The following CACNA1A variants were observed in gnomAD, a reference collection of about 807,000 sequenced individuals.
The protein encoded by CACNA1A is calcium voltage-gated channel subunit alpha1 A.
CACNA1A carries 57 observed loss-of-function variants against 262.4 expected under a neutral mutation model. The observed-to-expected ratio is 0.22, with a 90% CI of 0.18 to 0.27. The LOEUF is 0.27. CACNA1A is among the 10% of genes least tolerant of loss of function. The pLI, the probability that CACNA1A is intolerant of heterozygous loss-of-function variation, is 1.00. For missense variants in CACNA1A, 2,526 were observed against 3,562.8 expected (o/e 0.71, Z 7.41); for synonymous variants, 1,431 against 1,419.3 (o/e 1.01, Z -0.18).
intron 1 of CACNA1A, among the ~76,000 whole-genome samples, chr19:13,467,697 T>C (rs1256341518): frequency 6.6e-6 from 1 of 151,316 alleles, no homozygotes; most frequent in Non-Finnish European, 1.5e-5. Context: ...CTCTGCCTCC[T>C]GGGTTCAAGT....
intron 5 of CACNA1A, 46 bp downstream of exon 5, chr19:13,365,271 C>T (rs1428700837): frequency 1.9e-6 from 3 of 1,552,190 alleles, no homozygotes; most frequent in East Asian, 2.3e-5. Context: ...AGAGCTTGTC[C>T]CTGAAGGAGA....
At chr19:13,415,773 A>AAAAAAAAAAAAAAAAAAAAAAAG (rs2060209678) in intron 3 of CACNA1A, among the ~76,000 whole-genome samples, 1 of 132,608 alleles carries the variant, frequency 7.5e-6, no homozygotes, top group Non-Finnish European at 1.6e-5. Flanking sequence ...AAAAAAAAAA[A>AAAAAAAAAAAAAAAAAAAAAAAG]GTAGATGGGG....
chr19:13,505,478 C>A (rs1982908996), intron 1 of CACNA1A, among the ~76,000 whole-genome samples: 1 of 152,126 alleles, frequency 6.6e-6, no homozygotes, highest in African/African-American at 2.4e-5. Flanking sequence ...GCTTCCCCTG[C>A]GTGGACTCCA....
rs59995665 is a variant in CACNA1A at position 13,294,103 on chromosome 19, C to T, written c.3089+4441G>A. 3.0e-3 allele frequency among the ~76,000 whole-genome samples: 459 copies of T among 150,768 alleles called. 2 individuals are homozygous for T. The highest frequency in any genetic ancestry group is 0.01 in the African/African-American group (418 of 41,102). On this transcript the variant is annotated intron_variant, in intron 19 of 46. Transcript: ENST00000360228. The stretch of plus-strand genomic sequence containing the variant: ...AATAATAGCAAGAGTAATTAATAAT[C>T]ATTGGTCTTTCTTTTTTTTTTAGAC...
chr19:13,473,246 C>A (rs554724623), intron 1 of CACNA1A, among the ~76,000 whole-genome samples: 1 of 138,424 alleles, frequency 7.2e-6, no homozygotes, highest in Non-Finnish European at 1.5e-5. Context: ...CAGAGTGAGG[C>A]CCTGACAAAA....
At chr19:13,474,484 G>A (rs1356063368) in intron 1 of CACNA1A, among the ~76,000 whole-genome samples, 2 of 152,158 alleles carry the variant, frequency 1.3e-5, no homozygotes, top group Admixed American at 6.6e-5. Context: ...ACAGGCAAAG[G>A]GGAGGTGGGA....
At chr19:13,388,927 A>G (rs937730035) in intron 3 of CACNA1A, among the ~76,000 whole-genome samples, 4 of 152,100 alleles carry the variant, frequency 2.6e-5, no homozygotes, top group South Asian at 4.1e-4. Context: ...TTTGAGACAG[A>G]GTTTTGCTCT....
chr19:13,490,085 A>T (rs1435213294), intron 1 of CACNA1A, among the ~76,000 whole-genome samples: 1 of 152,132 alleles, frequency 6.6e-6, no homozygotes, highest in Admixed American at 6.5e-5. Flanking sequence ...CCCAGTGCCC[A>T]TGCCAAGGAG....
At chr19:13,255,678 CTCCT>C (rs1350428703) in intron 28 of CACNA1A, among the ~76,000 whole-genome samples, 4 of 135,926 alleles carry the variant, frequency 2.9e-5, no homozygotes, top group African/African-American at 1.1e-4. Flanking sequence ...CGCTCCCTCC[CTCCT>C]TCCTTCCTTC....
chr19:13,466,221 C>G (rs944405619), intron 1 of CACNA1A, among the ~76,000 whole-genome samples: 1 of 137,674 alleles, frequency 7.3e-6, no homozygotes, highest in Non-Finnish European at 1.6e-5. Context: ...TTTTTTTTTT[C>G]TTTCCCCTTG....
intron 3 of CACNA1A, among the ~76,000 whole-genome samples, chr19:13,409,397 T>G (rs1487219485): frequency 6.6e-6 from 1 of 151,388 alleles, no homozygotes; most frequent in East Asian, 1.9e-4. Context: ...TGTGTGTGTG[T>G]TGTGTGTCTG....
At chr19:13,334,610 T>C in intron 7 of CACNA1A, 117 bp from the exon 8 acceptor site, 1 of 521,974 alleles carries the variant, frequency 1.9e-6, no homozygotes, top group Non-Finnish European at 3.4e-6. Context: ...TGTGTGTGTG[T>C]TTGGGGATTC....
chr19:13,467,971 A>AGTGTGTGT (rs57410716), intron 1 of CACNA1A, among the ~76,000 whole-genome samples: 321 of 150,068 alleles, frequency 2.1e-3, no homozygotes, highest in Middle Eastern at 6.8e-3. Context: ...GAGATGAGTG[A>AGTGTGTGT]GTGTGTGTGT....
chr19:13,245,581 A>C, intron 30 of CACNA1A: 1 of 332,070 alleles, frequency 3.0e-6, no homozygotes. Flanking sequence ...GGCTCCCGAG[A>C]CCCCAGGGGC....
intron 3 of CACNA1A, among the ~76,000 whole-genome samples, chr19:13,422,619 G>C (rs1436223161): frequency 1.3e-5 from 2 of 152,208 alleles, no homozygotes; most frequent in Admixed American, 6.5e-5. Context: ...GCTCACAATG[G>C]GATCTATGGT....
chr19:13,291,720 T>A (rs942862712), intron 19 of CACNA1A, among the ~76,000 whole-genome samples: 13 of 150,948 alleles, frequency 8.6e-5, no homozygotes, highest in African/African-American at 2.9e-4. Flanking sequence ...GGTGGGAAGA[T>A]CATTTGAGTC....
At chr19:13,382,033 C>T (rs1046805646) in intron 3 of CACNA1A, among the ~76,000 whole-genome samples, 1 of 152,078 alleles carries the variant, frequency 6.6e-6, no homozygotes, top group Non-Finnish European at 1.5e-5. Context: ...ACTGCATTGA[C>T]GCAGTTGAAC....
intron 34 of CACNA1A, 153 bp downstream of exon 34, chr19:13,234,752 CACGCCCCCTACCGGAA>C: frequency 7.1e-6 from 3 of 421,264 alleles, no homozygotes; most frequent in Non-Finnish European, 1.2e-5. Context: ...AAGAGAAGGG[CACGCCCCCTACCGGAA>C]AAGAAGGGTG....
intron 1 of CACNA1A, among the ~76,000 whole-genome samples, chr19:13,475,800 A>G (rs1248444655): frequency 6.6e-6 from 1 of 152,226 alleles, no homozygotes; most frequent in African/African-American, 2.4e-5. Context: ...AGGGAAAATA[A>G]TACATCAAGT....
Sources: gnomAD v4.1 joint callset for allele counts (sites outside exome capture counted in the v4.1 genomes callset) on GRCh38, gnomAD v4.1.1 for gene constraint, MANE v1.5 for transcripts, NCBI Gene and HGNC (gene_info 2026-07-23, HGNC 2026-07-21) for gene names.